The following EPAS1 variants were observed in gnomAD, a reference collection of about 807,000 sequenced individuals.
The protein encoded by EPAS1 is endothelial PAS domain-containing protein 1.
Under a neutral mutation model 87.9 loss-of-function variants are expected in EPAS1, and 23 were observed. That is an observed-to-expected ratio of 0.26 (90% CI 0.19 to 0.37). The LOEUF is 0.37. EPAS1 is among the 10% of genes least tolerant of loss of function. EPAS1 has a pLI of 1.00. For missense variants in EPAS1, 1,138 were observed against 1,120.7 expected (o/e 1.02, Z -0.22); for synonymous variants, 508 against 444.3 (o/e 1.14, Z -1.80).
chr2:46,378,520 A>G lies in EPAS1; in HGVS notation c.1444-137A>G, dbSNP rs7571218. On this transcript the variant is annotated intron_variant, in intron 10 of 15. Transcript: ENST00000263734. ...TAATTCATACAGCTTGTTAATTAGC[A>G]GCCCCTCTACAAATAGTTGTGTGGT... The G allele has an allele frequency of 0.54, 400,147 of 741,732 alleles. 111,795 individuals are homozygous for G. Among genetic ancestry groups the G allele is most frequent in the African/African-American group, 0.66 (38,509 of 57,970 alleles). 45.9% of individuals were successfully genotyped at this position (741,732 alleles called of 1,614,324 possible).
At chr2:46,364,953 A>C (rs181401813) in intron 6 of EPAS1, among the ~76,000 whole-genome samples, 59 of 152,364 alleles carry the variant, frequency 3.9e-4, no homozygotes, top group African/African-American at 1.4e-3. Flanking sequence ...ATTTAATGAA[A>C]CCACAGTGAA....
intron 1 of EPAS1, among the ~76,000 whole-genome samples, chr2:46,298,347 A>G (rs1258590068): frequency 6.6e-6 from 1 of 151,924 alleles, no homozygotes; most frequent in Admixed American, 6.5e-5. Context: ...CCACGTCTCT[A>G]TTTTTCTCTG....
intron 6 of EPAS1, among the ~76,000 whole-genome samples, chr2:46,368,143 GC>G (rs1684542273): frequency 6.6e-6 from 1 of 152,192 alleles, no homozygotes; most frequent in Admixed American, 6.5e-5. Context: ...GGGGTTGACA[GC>G]CTAGGATGTG....
At position 46,380,488 on chromosome 2, in the gene EPAS1, T is replaced by C. The variant is rs767579862; in HGVS notation, c.1816T>C (p.Ser606Pro). 1 of 1,614,134 alleles carries C rather than the reference T, an allele frequency of 6.2e-7. No individual in the cohort carries two copies. Among genetic ancestry groups the C allele is most frequent in the South Asian group, 1.1e-5 (1 of 91,068 alleles). The change falls in exon 12 of 16, where the codon TCC becomes CCC. Residue 606 changes from serine to proline, a missense_variant. Transcript: ENST00000263734. This position sits in a 1 kb window ranked among gnomAD's most constrained non-coding sequence, Gnocchi z 4.4. ...KTEPEHRPMS[S>P]IFFDAGSKAS... ...AGAGCCCGAGCACCGGCCCATGTCCTCCATCTTCTTTGATGCCGGAAGCAA... is the reference window on the plus strand; with the variant it reads ...AGAGCCCGAGCACCGGCCCATGTCCCCCATCTTCTTTGATGCCGGAAGCAA...
Position 46,338,449 on chromosome 2 carries a change from A to G in EPAS1, c.27-8424A>G, listed in dbSNP as rs143039673. On this transcript the variant is annotated intron_variant, in intron 1 of 15. Coordinates refer to ENST00000263734, the MANE Select transcript of EPAS1 (RefSeq NM_001430.5). ...CAGACATCAGAGGCCACAGAGAGCA[A>G]TGGAGAGCCACGCAAATGCCTCCTG... Among the ~76,000 whole-genome samples, 999 of 152,306 alleles carry G rather than the reference A, an allele frequency of 6.6e-3. 7 individuals carry two copies. The highest frequency in any genetic ancestry group is 0.01 in the Non-Finnish European group (686 of 68,032).
chr2:46,378,782 A>C lies in EPAS1; in HGVS notation c.1554+15A>C, dbSNP rs775060599. ...GCAGTACCCAGGTAGATGGCTGTGG[A>C]GATCAGGCTAGGGTGTGTGCCTGCT... On this transcript the variant is annotated intron_variant, in intron 11 of 15. Coordinates refer to ENST00000263734, the MANE Select transcript of EPAS1 (RefSeq NM_001430.5). The C allele has an allele frequency of 6.2e-7, 1 of 1,601,496 alleles. No individual in the cohort carries two copies. The highest frequency in any genetic ancestry group is 2.2e-5 in the East Asian group (1 of 44,826).
intron 1 of EPAS1, among the ~76,000 whole-genome samples, chr2:46,319,355 A>G (rs1423538812): frequency 6.6e-6 from 1 of 152,208 alleles, no homozygotes; most frequent in Non-Finnish European, 1.5e-5. Context: ...AAGATTTCAA[A>G]TAAGCTCCAT....
intron 1 of EPAS1, among the ~76,000 whole-genome samples, chr2:46,343,435 C>T (rs1428491664): frequency 6.6e-6 from 1 of 152,238 alleles, no homozygotes; most frequent in African/African-American, 2.4e-5. Context: ...ATGATAGTCT[C>T]CTTGCTGCCA....
At chr2:46,362,074 C>A (rs1684404899) in intron 6 of EPAS1, among the ~76,000 whole-genome samples, 2 of 152,216 alleles carry the variant, frequency 1.3e-5, no homozygotes, top group South Asian at 4.1e-4. Flanking sequence ...GCACCCCCCG[C>A]ATGCGCCCTT....
intron 4 of EPAS1, among the ~76,000 whole-genome samples, chr2:46,358,505 C>G (rs1043671996): frequency 7.2e-5 from 11 of 152,232 alleles, no homozygotes; most frequent in Non-Finnish European, 4.4e-5. Flanking sequence ...CCTTTGGGTT[C>G]TTAGTGTCAG....
At chr2:46,329,635 G>A (rs1253938763) in intron 1 of EPAS1, among the ~76,000 whole-genome samples, 4 of 152,086 alleles carry the variant, frequency 2.6e-5, no homozygotes, top group African/African-American at 4.8e-5. Flanking sequence ...TAGCCTGGCC[G>A]AGATAGTGAA....
At position 46,371,797 on chromosome 2, in the gene EPAS1, C is replaced by G. The variant is rs1352692338; in HGVS notation, c.886+1864C>G. 6.6e-6 allele frequency among the ~76,000 whole-genome samples: 1 copy of G among 152,206 alleles called. No homozygotes were observed. Among genetic ancestry groups the G allele is most frequent in the African/African-American group, 2.4e-5 (1 of 41,452 alleles). ...GACCTTCCTGACTTTAGATGTAAAA[C>G]TGGGGAAAAGTCTAGCCTTCCTTCC... On this transcript the variant is annotated intron_variant, in intron 7 of 15. Coordinates refer to ENST00000263734, the MANE Select transcript of EPAS1 (RefSeq NM_001430.5). This position sits in a 1 kb window ranked among gnomAD's most constrained non-coding sequence, Gnocchi z 4.3.
At chr2:46,334,349 G>C (rs2104861012) in intron 1 of EPAS1, among the ~76,000 whole-genome samples, 1 of 152,304 alleles carries the variant, frequency 6.6e-6, no homozygotes, top group South Asian at 2.1e-4. Context: ...TCTGTTTAAT[G>C]AATGCGTTCT....
chr2:46,352,169 C>A (rs1684177820), intron 2 of EPAS1, among the ~76,000 whole-genome samples: 1 of 152,156 alleles, frequency 6.6e-6, no homozygotes, highest in Admixed American at 6.5e-5. Flanking sequence ...TAACTGAGAT[C>A]TGGAGCCCAG....
rs569987643 is a variant in EPAS1 at position 46,321,212 on chromosome 2, T to G, written c.26+23275T>G. On this transcript the variant is annotated intron_variant, in intron 1 of 15. Coordinates refer to ENST00000263734, the MANE Select transcript of EPAS1 (RefSeq NM_001430.5). ...TCCAAGTTACAACATGTATTCAAAG[T>G]TTTATTTCTTTTTAAGGCCGAATAA... 5.3e-5 allele frequency among the ~76,000 whole-genome samples: 8 copies of G among 152,336 alleles called. No individual in the cohort carries two copies. The South Asian group carries it at 6.2e-4, about 12-fold the overall frequency.
intron 6 of EPAS1, among the ~76,000 whole-genome samples, chr2:46,361,670 T>C (rs1684390049): frequency 6.6e-6 from 1 of 152,214 alleles, no homozygotes; most frequent in African/African-American, 2.4e-5. Context: ...ATTAAGAGCA[T>C]GGGCTTCAGG....
intron 1 of EPAS1, among the ~76,000 whole-genome samples, chr2:46,316,018 C>G (rs1250566505): frequency 1.3e-5 from 2 of 152,166 alleles, no homozygotes; most frequent in Non-Finnish European, 2.9e-5. Context: ...CACCAAAATT[C>G]CATCACCCAG....
At chr2:46,344,105 T>C (rs766148442) in intron 1 of EPAS1, among the ~76,000 whole-genome samples, 3 of 152,266 alleles carry the variant, frequency 2.0e-5, no homozygotes, top group Non-Finnish European at 2.9e-5. Flanking sequence ...ATCTCTAAAC[T>C]GTGTAAACAA....
At position 46,297,861 on chromosome 2, in the gene EPAS1, C is replaced by T. The variant is rs1285676952; in HGVS notation, c.-51C>T. On this transcript the variant is annotated 5_prime_UTR_variant, in exon 1 of 16. Transcript: ENST00000263734. ...ACGAGGGCCACAGCCCCCCACCCGC[C>T]AGGGAGCCCAGGTGCTCGGCGTCTG... 1 of 1,596,438 alleles carries T rather than the reference C, an allele frequency of 6.3e-7. No homozygotes were observed. The highest frequency in any genetic ancestry group is 8.5e-7 in the Non-Finnish European group (1 of 1,172,020).
Sources: gnomAD v4.1 joint callset for allele counts (sites outside exome capture counted in the v4.1 genomes callset) on GRCh38, gnomAD v4.1.1 for gene constraint, Gnocchi (gnomAD v3.1) non-coding constraint, MANE v1.5 for transcripts, NCBI Gene and HGNC (gene_info 2026-07-23, HGNC 2026-07-21) for gene names.